JARID2: variants seen among roughly 807,000 people sequenced by gnomAD.
The protein encoded by JARID2 is jumonji and AT-rich interaction domain containing 2, also known as protein Jumonji.
JARID2 carries 21 observed loss-of-function variants against 125.6 expected under a neutral mutation model. That is an observed-to-expected ratio of 0.17 (90% CI 0.12 to 0.24). The LOEUF is 0.24. Among genes scored for constraint, JARID2 ranks in the 10% least tolerant of loss-of-function variants. The probability of loss-of-function intolerance (pLI) is 1.00; values close to 1 mark genes in which losing one functional copy is unlikely to be tolerated. For missense variants in JARID2, 1,303 were observed against 1,639.6 expected (o/e 0.79, Z 3.55); for synonymous variants, 736 against 661.6 (o/e 1.11, Z -1.73).
Position 15,520,414 on chromosome 6 carries a change from CT to C in JARID2, c.*171del, listed in dbSNP as rs1283677374. The C allele has an allele frequency of 2.1e-4, 116 of 561,956 alleles. No homozygotes were observed. The highest frequency in any genetic ancestry group is 2.4e-4 in the Non-Finnish European group (83 of 341,730). 34.8% of individuals were successfully genotyped at this position (561,956 alleles called of 1,614,324 possible). A position where few individuals can be genotyped will look rare whatever the true frequency, so the allele number is the denominator to read the frequency against. ...TTTGTTTTAGCATTAAACTGTTGAA[CT>C]TTTTTTTGTACTTAGAAAACCTAGA... On this transcript the variant is annotated 3_prime_UTR_variant, in exon 18 of 18. Coordinates refer to ENST00000341776, the MANE Select transcript of JARID2 (RefSeq NM_004973.4).
chr6:15,384,790 A>C (rs1489276465), intron 2 of JARID2, among the ~76,000 whole-genome samples: 1 of 152,060 alleles, frequency 6.6e-6, no homozygotes. Flanking sequence ...GCTGGTCTCG[A>C]ACTGCCGGGC....
chr6:15,321,897 A>G (rs374746309), intron 1 of JARID2, among the ~76,000 whole-genome samples: 19 of 141,838 alleles, frequency 1.3e-4, no homozygotes, highest in Admixed American at 1.6e-4. Flanking sequence ...GGTTCAAGCA[A>G]TTCTCCTGCC....
intron 1 of JARID2, among the ~76,000 whole-genome samples, chr6:15,329,687 C>A (rs775108741): frequency 2.8e-4 from 42 of 152,182 alleles, no homozygotes; most frequent in Non-Finnish European, 5.3e-4. Context: ...AGACTGCTGA[C>A]AGAGTTCTTG....
At chr6:15,491,204 A>G (rs1261760253) in intron 6 of JARID2, among the ~76,000 whole-genome samples, 1 of 152,218 alleles carries the variant, frequency 6.6e-6, no homozygotes, top group Non-Finnish European at 1.5e-5. Context: ...TTGTCATTTG[A>G]ATTGCACTTG....
At chr6:15,299,978 C>G (rs1450958628) in intron 1 of JARID2, among the ~76,000 whole-genome samples, 1 of 152,154 alleles carries the variant, frequency 6.6e-6, no homozygotes. Context: ...CTGCATATCT[C>G]TTGAACTGCC....
chr6:15,321,809 T>TGG (rs1276320539), intron 1 of JARID2, among the ~76,000 whole-genome samples: 4 of 112,440 alleles, frequency 3.6e-5, no homozygotes, highest in African/African-American at 1.6e-4. Context: ...TTTTTTTTTT[T>TGG]TGAGATGGAG....
chr6:15,384,097 T>G (rs1219270442), intron 2 of JARID2, among the ~76,000 whole-genome samples: 1 of 152,108 alleles, frequency 6.6e-6, no homozygotes, highest in Admixed American at 6.5e-5. Flanking sequence ...CCCAACCTAT[T>G]TTTTTATTTT....
At chr6:15,296,652 G>T (rs946502153) in intron 1 of JARID2, among the ~76,000 whole-genome samples, 2 of 152,098 alleles carry the variant, frequency 1.3e-5, no homozygotes, top group Non-Finnish European at 2.9e-5. Flanking sequence ...CTAAAATTAA[G>T]GATATTTTGT....
intron 1 of JARID2, among the ~76,000 whole-genome samples, chr6:15,278,079 C>T (rs1048003153): frequency 1.3e-5 from 2 of 151,824 alleles, no homozygotes; most frequent in African/African-American, 2.4e-5. Flanking sequence ...GAAACCCTGT[C>T]TCTACTAAAA....
At chr6:15,403,303 G>A (rs1765509605) in intron 2 of JARID2, among the ~76,000 whole-genome samples, 1 of 152,100 alleles carries the variant, frequency 6.6e-6, no homozygotes, top group Non-Finnish European at 1.5e-5. Flanking sequence ...ATTTATTTTT[G>A]TTGGAGCCTT....
intron 5 of JARID2, among the ~76,000 whole-genome samples, chr6:15,480,243 A>C (rs1769545890): frequency 6.6e-6 from 1 of 152,050 alleles, no homozygotes; most frequent in Non-Finnish European, 1.5e-5. Context: ...TCCCATCTTC[A>C]GGGTCTTCTT....
chr6:15,312,229 A>G (rs1436805123), intron 1 of JARID2, among the ~76,000 whole-genome samples: 1 of 151,892 alleles, frequency 6.6e-6, no homozygotes, highest in African/African-American at 2.4e-5. Context: ...TAATTTTTGT[A>G]TTTTTAGTAG....
At chr6:15,425,953 G>T (rs558768561) in intron 3 of JARID2, among the ~76,000 whole-genome samples, 1 of 152,252 alleles carries the variant, frequency 6.6e-6, no homozygotes, top group East Asian at 1.9e-4. Flanking sequence ...GCTTTTCTGG[G>T]TAAGTCAGTC....
chr6:15,470,100 C>G (rs1451556135), intron 5 of JARID2, among the ~76,000 whole-genome samples: 1 of 151,602 alleles, frequency 6.6e-6, no homozygotes, highest in Non-Finnish European at 1.5e-5. Context: ...TGGCGTGAAC[C>G]CGGGAGGCGG....
At chr6:15,500,741 G>A (rs1219026349) in intron 7 of JARID2, among the ~76,000 whole-genome samples, 166 bp from the exon 8 acceptor site, 4 of 151,936 alleles carry the variant, frequency 2.6e-5, no homozygotes, top group East Asian at 1.9e-4. Context: ...ATTTTGTAAC[G>A]CCCTTCTCTC....
intron 2 of JARID2, among the ~76,000 whole-genome samples, chr6:15,392,490 CAG>C (rs534940305): frequency 1.7e-4 from 26 of 152,128 alleles, no homozygotes; most frequent in African/African-American, 2.4e-4. Context: ...AAGCTTGTAA[CAG>C]GGGACGACAG....
chr6:15,383,624 C>T (rs949628795), intron 2 of JARID2, among the ~76,000 whole-genome samples: 3 of 152,098 alleles, frequency 2.0e-5, no homozygotes, highest in African/African-American at 4.8e-5. Context: ...ATCCCCCAGC[C>T]TTCCTTTGCC....
intron 1 of JARID2, among the ~76,000 whole-genome samples, chr6:15,255,250 A>G (rs1759618482): frequency 6.7e-6 from 1 of 148,692 alleles, no homozygotes; most frequent in Non-Finnish European, 1.5e-5. Context: ...GACTACAGGC[A>G]CACACGACCA....
intron 1 of JARID2, among the ~76,000 whole-genome samples, chr6:15,325,227 T>C (rs1288878660): frequency 6.6e-6 from 1 of 152,220 alleles, no homozygotes; most frequent in African/African-American, 2.4e-5. Flanking sequence ...TTTTGACTTT[T>C]ATTTGCAATA....
Sources: gnomAD v4.1 joint callset for allele counts (sites outside exome capture counted in the v4.1 genomes callset) on GRCh38, gnomAD v4.1.1 for gene constraint, MANE v1.5 for transcripts, NCBI Gene and HGNC (gene_info 2026-07-23, HGNC 2026-07-21) for gene names.